BBS9: variants seen among roughly 807,000 people sequenced by gnomAD.
The protein encoded by BBS9 is Bardet-Biedl syndrome 9, also known as protein PTHB1.
BBS9 carries 89 observed loss-of-function variants against 117.7 expected under a neutral mutation model. The observed-to-expected ratio is 0.76, with a 90% CI of 0.64 to 0.90. The LOEUF (loss-of-function observed/expected upper bound fraction) is 0.90. Among genes scored for constraint, BBS9 ranks in the 40% least tolerant of loss-of-function variants. The probability of loss-of-function intolerance (pLI) is 0.00; values close to 1 mark genes in which losing one functional copy is unlikely to be tolerated. For synonymous variants in BBS9, 379 were observed against 370.9 expected (o/e 1.02, Z -0.25); for missense variants, 982 against 1,042.2 (o/e 0.94, Z 0.80).
chr7:33,482,937 T>C (rs1842679486), intron 19 of BBS9, among the ~76,000 whole-genome samples: 1 of 151,528 alleles, frequency 6.6e-6, no homozygotes, highest in Admixed American at 6.6e-5. Context: ...GAATGGGAAA[T>C]GGGAACTGTC....
intron 5 of BBS9, among the ~76,000 whole-genome samples, chr7:33,179,397 G>A (rs1797783361): frequency 6.6e-6 from 1 of 152,184 alleles, no homozygotes; most frequent in East Asian, 1.9e-4. Context: ...AGCTTCATCT[G>A]TATTTACAGC....
In BBS9 at chr7:33,420,397, C is replaced by T. The variant is rs1434759731; in HGVS notation, c.2115+32253C>T. ...CAGTGTTGTGTATTGTAGCAAGTCA[C>T]TTATGCCAAACAAGACCCTGACTAT... On this transcript the variant is annotated intron_variant, in intron 19 of 22. Coordinates refer to ENST00000242067, the MANE Select transcript of BBS9 (RefSeq NM_198428.3). Among the ~76,000 whole-genome samples the T allele has an allele frequency of 3.3e-5, 5 of 152,120 alleles. No individual in the cohort carries two copies. In the East Asian group the frequency reaches 9.6e-4, roughly 29 times the overall value.
chr7:33,474,690 G>A (rs928825526), intron 19 of BBS9, among the ~76,000 whole-genome samples: 2 of 152,158 alleles, frequency 1.3e-5, no homozygotes, highest in East Asian at 1.9e-4. Context: ...GCTCACTCCT[G>A]TAATCGCAGC....
chr7:33,252,650 T>C (rs751850269), intron 5 of BBS9, among the ~76,000 whole-genome samples: 11 of 152,140 alleles, frequency 7.2e-5, no homozygotes, highest in Non-Finnish European at 1.3e-4. Flanking sequence ...ATACCACATA[T>C]TGAAATGAAC....
intron 20 of BBS9, among the ~76,000 whole-genome samples, chr7:33,526,243 G>T (rs368496734): frequency 6.6e-6 from 1 of 152,070 alleles, no homozygotes; most frequent in African/African-American, 2.4e-5. Flanking sequence ...TTGCTCTTCT[G>T]GAGGAGTATC....
chr7:33,343,246 G>A (rs1011476327), intron 11 of BBS9, among the ~76,000 whole-genome samples: 1 of 151,946 alleles, frequency 6.6e-6, no homozygotes, highest in South Asian at 2.1e-4. Flanking sequence ...AATTCATAAC[G>A]GTATTATTAG....
At chr7:33,538,074 G>A (rs960598160) in intron 21 of BBS9, among the ~76,000 whole-genome samples, 3 of 152,172 alleles carry the variant, frequency 2.0e-5, no homozygotes, top group Non-Finnish European at 4.4e-5. Context: ...GAAAAGGGGT[G>A]TAAAGACAAT....
intron 19 of BBS9, among the ~76,000 whole-genome samples, chr7:33,392,700 C>T (rs1827261797): frequency 6.6e-6 from 1 of 151,960 alleles, no homozygotes; most frequent in South Asian, 2.1e-4. Context: ...CTTTTCTAAC[C>T]CTTCAATTTA....
chr7:33,571,569 CTTT>C (rs1264944456), intron 21 of BBS9, among the ~76,000 whole-genome samples: 1 of 151,812 alleles, frequency 6.6e-6, no homozygotes, highest in Non-Finnish European at 1.5e-5. Flanking sequence ...TGCCATATTT[CTTT>C]TAATTTTTAT....
intron 21 of BBS9, among the ~76,000 whole-genome samples, chr7:33,564,470 G>GACC (rs1266473356): frequency 2.0e-5 from 3 of 152,202 alleles, no homozygotes; most frequent in African/African-American, 7.2e-5. Flanking sequence ...CCTTATCTGA[G>GACC]ACCATAGTAG....
chr7:33,194,088 T>G (rs114558584), intron 5 of BBS9, among the ~76,000 whole-genome samples: 2 of 152,222 alleles, frequency 1.3e-5, no homozygotes, highest in Non-Finnish European at 2.9e-5. Context: ...TTCCTGCTTT[T>G]TTCTTTTTGC....
At chr7:33,442,939 T>C (rs1299616861) in intron 19 of BBS9, among the ~76,000 whole-genome samples, 4 of 152,180 alleles carry the variant, frequency 2.6e-5, no homozygotes, top group South Asian at 2.1e-4. Context: ...AGGAAGTCTA[T>C]TGGAAACATA....
At chr7:33,286,756 T>G (rs112835021) in intron 9 of BBS9, among the ~76,000 whole-genome samples, 42 of 152,314 alleles carry the variant, frequency 2.8e-4, no homozygotes, top group African/African-American at 8.9e-4. Flanking sequence ...TTTAGAACTT[T>G]GGATGGACTT....
chr7:33,528,775 G>T (rs1381479743), intron 20 of BBS9, among the ~76,000 whole-genome samples: 1 of 152,202 alleles, frequency 6.6e-6, no homozygotes, highest in East Asian at 1.9e-4. Context: ...GTGAGGTTAA[G>T]TCAGAACTCA....
rs923082684 is a variant in BBS9 at position 33,434,784 on chromosome 7, G to T, written c.2115+46640G>T. Among the ~76,000 whole-genome samples, 3 of 152,138 alleles carry T rather than the reference G, an allele frequency of 2.0e-5. No homozygotes were observed. The East Asian group carries it at 5.8e-4, about 29-fold the overall frequency. ...GTTATGTTTGAAATAACATACTGCTGCTCATATGCTTATTTGCATCTTGAA... is the reference window on the plus strand; with the variant it reads ...GTTATGTTTGAAATAACATACTGCTTCTCATATGCTTATTTGCATCTTGAA... On this transcript the variant is annotated intron_variant, in intron 19 of 22. Transcript: ENST00000242067.
intron 19 of BBS9, among the ~76,000 whole-genome samples, chr7:33,411,389 C>T (rs1045457205): frequency 1.3e-5 from 2 of 152,020 alleles, no homozygotes; most frequent in African/African-American, 2.4e-5. Flanking sequence ...TGTCCACAAA[C>T]CTATTGTTAA....
rs924690753 is a variant in BBS9, at chr7:33,341,621, T to C, written c.1275+648T>C. On this transcript the variant is annotated intron_variant, in intron 11 of 22. Coordinates refer to ENST00000242067, the MANE Select transcript of BBS9 (RefSeq NM_198428.3). ...TCATTATCATCAAATTACATTTTACTTCTTTCTACATTATAATAATCAACA... is the reference window on the plus strand; with the variant it reads ...TCATTATCATCAAATTACATTTTACCTCTTTCTACATTATAATAATCAACA... Among the ~76,000 whole-genome samples, 3 of 109,882 alleles carry C rather than the reference T, an allele frequency of 2.7e-5. No homozygotes were observed. The South Asian group carries it at 1.1e-3, about 39-fold the overall frequency. The allele number at this position is 109,882 out of a possible 152,430, so 72.1% of individuals were successfully genotyped here.
At chr7:33,284,096 A>G (rs1406138821) in intron 9 of BBS9, among the ~76,000 whole-genome samples, 3 of 152,112 alleles carry the variant, frequency 2.0e-5, no homozygotes, top group African/African-American at 4.8e-5. Context: ...CTCCTTCTGT[A>G]TCCCATGCAT....
At chr7:33,511,890 G>C (rs1847027531) in intron 20 of BBS9, among the ~76,000 whole-genome samples, 1 of 152,182 alleles carries the variant, frequency 6.6e-6, no homozygotes, top group Non-Finnish European at 1.5e-5. Flanking sequence ...TGCTGTCTGG[G>C]TTGAGTGATG....
Sources: gnomAD v4.1 joint callset for allele counts (sites outside exome capture counted in the v4.1 genomes callset) on GRCh38, gnomAD v4.1.1 for gene constraint, MANE v1.5 for transcripts, NCBI Gene and HGNC (gene_info 2026-07-23, HGNC 2026-07-21) for gene names.